PPP3CC: variants seen among roughly 807,000 people sequenced by gnomAD.
PPP3CC encodes protein phosphatase 3 catalytic subunit gamma.
A neutral mutation model predicts 60.3 loss-of-function variants in PPP3CC; 35 were observed. The observed-to-expected ratio is 0.58, with a 90% CI of 0.44 to 0.77. The LOEUF is 0.77. PPP3CC is among the 30% of genes least tolerant of loss of function. The pLI, the probability that PPP3CC is intolerant of heterozygous loss-of-function variation, is 0.00. For synonymous variants in PPP3CC, 206 were observed against 224.3 expected (o/e 0.92, Z 0.73); for missense variants, 570 against 628.9 (o/e 0.91, Z 1.00).
intron 1 of PPP3CC, among the ~76,000 whole-genome samples, chr8:22,461,365 C>T (rs148843292): frequency 6.6e-6 from 1 of 152,188 alleles, no homozygotes; most frequent in East Asian, 1.9e-4. Context: ...ATTTTCCTGT[C>T]TGCTGATATC....
intron 3 of PPP3CC, among the ~76,000 whole-genome samples, chr8:22,487,286 A>G (rs1414594757): frequency 2.0e-5 from 3 of 152,178 alleles, no homozygotes; most frequent in South Asian, 4.1e-4. Flanking sequence ...GTAAAGTTTT[A>G]TTTATCTTTG....
rs1478627773 is a variant in PPP3CC at position 22,441,430 on chromosome 8, C to T, written c.21C>T (p.His7=). The part of the protein sequence containing the change: MSGRRF[H]LSTTDRVIKA... ...GGACCATGTCCGGGAGGCGCTTCCA[C>T]CTCTCCACCACCGACCGCGTCATCA... Residue 7 remains histidine (H), a synonymous_variant, in exon 1 of 14, where the codon CAC becomes CAT. Transcript: ENST00000240139. The T allele has an allele frequency of 1.9e-6, 3 of 1,547,048 alleles. No homozygotes were observed. Among genetic ancestry groups the T allele is most frequent in the Non-Finnish European group, 1.7e-6 (2 of 1,146,634 alleles).
At chr8:22,525,384 TC>T (rs751689093) in intron 8 of PPP3CC, among the ~76,000 whole-genome samples, 104 of 152,104 alleles carry the variant, frequency 6.8e-4, no homozygotes, top group Non-Finnish European at 1.3e-3. Flanking sequence ...TTATTCTTTT[TC>T]TTCTTCCTTT....
intron 1 of PPP3CC, among the ~76,000 whole-genome samples, chr8:22,446,345 C>T (rs1186296816): frequency 2.6e-5 from 4 of 151,914 alleles, no homozygotes; most frequent in Admixed American, 1.3e-4. Flanking sequence ...TGGCGTCTAA[C>T]GTCATATTTG....
At chr8:22,489,969 A>G (rs1838350725) in intron 3 of PPP3CC, among the ~76,000 whole-genome samples, 3 of 151,034 alleles carry the variant, frequency 2.0e-5, no homozygotes, top group Non-Finnish European at 2.9e-5. Context: ...TTAGAGGCGC[A>G]TGCTACCACG....
In PPP3CC at chr8:22,528,563, A is replaced by C; in HGVS notation, c.1127A>C (p.Asp376Ala). 6.4e-7 allele frequency: 1 copy of C among 1,551,872 alleles called. No individual in the cohort carries two copies. Among genetic ancestry groups the C allele is most frequent in the African/African-American group, 1.3e-5 (1 of 74,184 alleles). Residue 376 changes from aspartate (D) to alanine (A), a missense_variant, in exon 10 of 14, where the codon GAT (aspartate) becomes GCT (alanine). Asp to Ala is a moderately radical substitution (Grantham distance 126). Transcript: ENST00000240139. ...TGCTCTGATGACGAACTGATTTCTG[A>C]TGATGAAGCAGAAGGTAAACTTTTC... is the stretch of plus-strand genomic sequence containing the variant. Reference protein sequence around the residue: ...NICSDDELISDDEAEGSTTVR... With the variant: ...NICSDDELISADEAEGSTTVR...
At chr8:22,490,150 T>G (rs917611354) in intron 3 of PPP3CC, among the ~76,000 whole-genome samples, 14 of 152,150 alleles carry the variant, frequency 9.2e-5, no homozygotes, top group African/African-American at 3.4e-4. Flanking sequence ...AATTTTTTAA[T>G]GTATAGAGCT....
intron 6 of PPP3CC, among the ~76,000 whole-genome samples, chr8:22,514,013 A>G (rs1459959750): frequency 6.6e-6 from 1 of 152,190 alleles, no homozygotes; most frequent in Admixed American, 6.5e-5. Context: ...TGGGGTGCCT[A>G]GGCGGGCGGA....
intron 4 of PPP3CC, among the ~76,000 whole-genome samples, chr8:22,504,426 C>T (rs1319525239): frequency 6.6e-6 from 1 of 151,916 alleles, no homozygotes; most frequent in Non-Finnish European, 1.5e-5. Flanking sequence ...CTCAGCTTCC[C>T]GAGTAGCTGG....
intron 3 of PPP3CC, among the ~76,000 whole-genome samples, chr8:22,496,512 T>TTTTTTTTTTTTTG (rs1838590323): frequency 8.1e-6 from 1 of 122,946 alleles, no homozygotes; most frequent in South Asian, 2.7e-4. Flanking sequence ...TTTTTTTTTT[T>TTTTTTTTTTTTTG]TTTGAGACAG....
intron 3 of PPP3CC, among the ~76,000 whole-genome samples, chr8:22,491,351 A>G (rs1838400328): frequency 6.6e-6 from 1 of 152,164 alleles, no homozygotes. Context: ...ATATGATTTT[A>G]TCTCATATTA....
At chr8:22,464,582 A>G (rs1837460589) in intron 1 of PPP3CC, among the ~76,000 whole-genome samples, 1 of 152,064 alleles carries the variant, frequency 6.6e-6, no homozygotes, top group Non-Finnish European at 1.5e-5. Flanking sequence ...GAGTTTCGCC[A>G]TGTTGCGCAG....
intron 3 of PPP3CC, 44 bp downstream of exon 3, chr8:22,475,668 CA>C: frequency 1.3e-6 from 2 of 1,485,958 alleles, no homozygotes; most frequent in South Asian, 1.4e-5. Flanking sequence ...TATTGTCTTT[CA>C]AAAAAGATGA....
At chr8:22,493,376 C>CA (rs199822256) in intron 3 of PPP3CC, among the ~76,000 whole-genome samples, 5,064 of 132,124 alleles carry the variant, frequency 0.038, 275 homozygotes, top group African/African-American at 0.13. Context: ...CCTAGTATAC[C>CA]AAAAAAAAAA....
chr8:22,533,562 C>T (rs1398489588), intron 12 of PPP3CC, among the ~76,000 whole-genome samples: 2 of 152,240 alleles, frequency 1.3e-5, no homozygotes, highest in Non-Finnish European at 2.9e-5. Flanking sequence ...CAGTGGCTCA[C>T]GCCTGTAATC....
At chr8:22,498,136 A>G (rs780482872) in intron 4 of PPP3CC, 24 bp downstream of exon 4, 12 of 1,499,148 alleles carry the variant, frequency 8.0e-6, no homozygotes, top group Non-Finnish European at 1.1e-5. Flanking sequence ...CTCCTCTAGA[A>G]CCTTTTTAGT....
At chr8:22,500,546 A>T (rs1472527739) in intron 4 of PPP3CC, among the ~76,000 whole-genome samples, 1 of 152,164 alleles carries the variant, frequency 6.6e-6, no homozygotes, top group Non-Finnish European at 1.5e-5. Context: ...TCTGCCACAG[A>T]TCCCTTTACT....
chr8:22,468,815 A>G (rs1358339717), intron 1 of PPP3CC, among the ~76,000 whole-genome samples: 1 of 152,220 alleles, frequency 6.6e-6, no homozygotes, highest in Non-Finnish European at 1.5e-5. Flanking sequence ...TGCCATAGCA[A>G]TATTTTTAGT....
At chr8:22,475,244 G>T in intron 2 of PPP3CC, 93 bp downstream of exon 2, 1 of 1,240,776 alleles carries the variant, frequency 8.1e-7, no homozygotes, top group Non-Finnish European at 1.1e-6. Flanking sequence ...AAAAAGTGGT[G>T]TGGTAATTTT....
Sources: gnomAD v4.1 joint callset for allele counts (sites outside exome capture counted in the v4.1 genomes callset) on GRCh38, gnomAD v4.1.1 for gene constraint, MANE v1.5 for transcripts, NCBI Gene and HGNC (gene_info 2026-07-23, HGNC 2026-07-21) for gene names.